The following KIDINS220 variants were observed in gnomAD, a reference collection of about 807,000 sequenced individuals.
KIDINS220 encodes the protein kinase D interacting substrate 220.
Under a neutral mutation model 157.6 loss-of-function variants are expected in KIDINS220, and 63 were observed. That is an observed-to-expected ratio of 0.40 (90% CI 0.33 to 0.49). The LOEUF is 0.49. Ranked by LOEUF, KIDINS220 falls within the 20% of genes least tolerant of loss-of-function variation. KIDINS220 has a pLI of 0.66. For missense variants in KIDINS220, 1,772 were observed against 2,171.2 expected, an observed-to-expected ratio of 0.82 and a Z score of 3.65; for synonymous variants, 732 against 783.6, an observed-to-expected ratio of 0.93 and a Z score of 1.10.
chr2:8,791,785 GTTCAGCAATTCTCCCAAATTA>G (rs1488606800), intron 12 of KIDINS220, among the ~76,000 whole-genome samples: 3 of 152,170 alleles, frequency 2.0e-5, no homozygotes, highest in Non-Finnish European at 4.4e-5. Context: ...AGGAAGAAAG[GTTCAGCAATTCTCCCAAATTA>G]TTCTATCACT....
chr2:8,767,805 T>C (rs1365093314), intron 22 of KIDINS220, among the ~76,000 whole-genome samples: 2 of 152,204 alleles, frequency 1.3e-5, no homozygotes, highest in Admixed American at 6.5e-5. Flanking sequence ...AGAAATAACA[T>C]TACTTGAATA....
chr2:8,739,063 T>G (rs1030837600), intron 26 of KIDINS220, among the ~76,000 whole-genome samples: 1 of 152,190 alleles, frequency 6.6e-6, no homozygotes, highest in Non-Finnish European at 1.5e-5. Context: ...TGTAAAATAC[T>G]GAGGAGAATT....
At position 8,778,666 on chromosome 2, in the gene KIDINS220, A is replaced by G. The variant is rs773482041; in HGVS notation, c.2676T>C (p.Leu892=). Residue 892 remains leucine (L), a synonymous_variant, in exon 20 of 30, where the codon CTT becomes CTC. Coordinates refer to ENST00000256707, the MANE Select transcript of KIDINS220 (RefSeq NM_020738.4). ...GTCTATTGAGGGCTGTCTTGCTACC[A>G]AGTTTTGTCATCTCCCCAAGGCTGT... ...SQNSLGEMTK[L]GSKTALNRRD... 2 of 1,614,010 alleles carry G rather than the reference A, an allele frequency of 1.2e-6. No individual in the cohort carries two copies. The highest frequency in any genetic ancestry group is 1.1e-5 in the South Asian group (1 of 91,080).
At chr2:8,789,283 ATT>A (rs70946384) in intron 14 of KIDINS220, among the ~76,000 whole-genome samples, 116 of 109,058 alleles carry the variant, frequency 1.1e-3, no homozygotes, top group Middle Eastern at 9.7e-3. Flanking sequence ...CAGAAAAAGA[ATT>A]TTTTTTTTTT....
chr2:8,832,724 C>T (rs777153073), intron 1 of KIDINS220, among the ~76,000 whole-genome samples: 19 of 152,176 alleles, frequency 1.2e-4, no homozygotes, highest in Admixed American at 6.5e-4. Flanking sequence ...AAAACTACAG[C>T]TTCTCATCTT....
chr2:8,768,840 A>G (rs1210718560), intron 22 of KIDINS220, among the ~76,000 whole-genome samples: 1 of 152,166 alleles, frequency 6.6e-6, no homozygotes, highest in East Asian at 1.9e-4. Flanking sequence ...GTGTCTTCCT[A>G]TAGTTTTTCA....
rs1666785268 is a variant in KIDINS220 at position 8,747,759 on chromosome 2, G to T, written c.3528+128C>A. The T allele has an allele frequency of 1.5e-5, 7 of 468,170 alleles. No homozygotes were observed. The East Asian group carries it at 1.8e-4, about 12-fold the overall frequency. 29.0% of individuals were successfully genotyped at this position (468,170 alleles called of 1,614,324 possible). On this transcript the variant is annotated intron_variant, in intron 25 of 29. Transcript: ENST00000256707. Reference sequence around the variant, plus strand: ...ATAAATACATTTTATGTTAGTAATAGGTTGTTTCTTAAAACTATGTATAAA... The same window carrying T: ...ATAAATACATTTTATGTTAGTAATATGTTGTTTCTTAAAACTATGTATAAA...
chr2:8,825,034 G>A (rs1267066562), intron 2 of KIDINS220, among the ~76,000 whole-genome samples: 1 of 152,130 alleles, frequency 6.6e-6, no homozygotes, highest in Non-Finnish European at 1.5e-5. Context: ...GGGGGAAAGG[G>A]AGAGCTGCTG....
At chr2:8,801,533 G>T (rs1018636165) in intron 8 of KIDINS220, among the ~76,000 whole-genome samples, 6 of 152,170 alleles carry the variant, frequency 3.9e-5, no homozygotes, top group Non-Finnish European at 7.3e-5. Flanking sequence ...TTTACAGCCT[G>T]GCAGAGAAGA....
At chr2:8,775,131 G>C (rs1298911000) in intron 21 of KIDINS220, among the ~76,000 whole-genome samples, 2 of 152,160 alleles carry the variant, frequency 1.3e-5, no homozygotes, top group Non-Finnish European at 2.9e-5. Flanking sequence ...AAAAGAGTTG[G>C]ATTAATAGAT....
At chr2:8,775,054 G>A (rs1186397309) in intron 21 of KIDINS220, among the ~76,000 whole-genome samples, 30 of 152,170 alleles carry the variant, frequency 2.0e-4, no homozygotes, top group Admixed American at 2.0e-3. Context: ...CAGTGCTACA[G>A]AATTTACTAG....
At chr2:8,737,152 A>G in intron 26 of KIDINS220, 153 bp from the exon 27 acceptor site, 1 of 740,660 alleles carries the variant, frequency 1.4e-6, no homozygotes, top group Non-Finnish European at 2.1e-6. Context: ...ACCATTAGGG[A>G]ACAGATTTAG....
intron 27 of KIDINS220, 137 bp downstream of exon 27, chr2:8,736,731 T>C (rs947190726): frequency 7.7e-6 from 7 of 903,996 alleles, no homozygotes; most frequent in Middle Eastern, 3.6e-4. Flanking sequence ...GTAAGAATTA[T>C]GTTTTCCATT....
intron 1 of KIDINS220, among the ~76,000 whole-genome samples, chr2:8,827,557 C>T (rs988404248): frequency 3.7e-4 from 57 of 152,322 alleles, no homozygotes; most frequent in African/African-American, 1.2e-3. Flanking sequence ...ATACATTTCA[C>T]ATCTGACTAC....
In KIDINS220 at chr2:8,802,927, T is replaced by C. The variant is rs551982767; in HGVS notation, c.801+3A>G. On this transcript the variant is annotated splice_donor_region_variant and intron_variant, in intron 8 of 29. Coordinates refer to ENST00000256707, the MANE Select transcript of KIDINS220 (RefSeq NM_020738.4). ...GGAGACAAATGTGAAATAGATGACC[T>C]ACCCTGTCAGGTATGTTCACATATG... 18 of 1,612,962 alleles carry C rather than the reference T, an allele frequency of 1.1e-5. No individual in the cohort carries two copies. The highest frequency in any genetic ancestry group is 1.4e-5 in the Non-Finnish European group (17 of 1,179,486).
Position 8,817,691 on chromosome 2 carries a change from G to T in KIDINS220, c.233C>A (p.Ala78Glu). 2 of 1,606,660 alleles carry T rather than the reference G, an allele frequency of 1.2e-6. No homozygotes were observed. The highest frequency in any genetic ancestry group is 1.7e-6 in the Non-Finnish European group (2 of 1,175,960). ...GATGTGCACATGCCCTTCTTTCGAT[G>T]CAGATATAAGTGCTGTCCAATTATC... ...DLDNWTALIS[A>E]SKEGHVHIVE... The change falls in exon 4 of 30, where the codon GCA becomes GAA. Residue 78 changes from alanine (A) to glutamate (E), a missense_variant. Physicochemically the swap from Ala to Glu is moderately radical, Grantham distance 107. Coordinates refer to ENST00000256707, the MANE Select transcript of KIDINS220 (RefSeq NM_020738.4).
Position 8,731,534 on chromosome 2 carries a change from C to G in KIDINS220, c.4502G>C (p.Ser1501Thr), listed in dbSNP as rs772961189. ...AAGCTTCAAATCTGTCTGGAAGAGGCTTGACCTTTCGGAAGATTTCTTGCC... is the reference window on the plus strand; with the variant it reads ...AAGCTTCAAATCTGTCTGGAAGAGGGTTGACCTTTCGGAAGATTTCTTGCC... ...LPGKKSSERS[S>T]LFQTDLKLKG... Residue 1501 changes from serine (S) to threonine (T), a missense_variant, in exon 30 of 30, where the codon AGC (serine) becomes ACC (threonine). By Grantham distance (58) the Ser-to-Thr change is moderately conservative. This residue lies in a region of KIDINS220 where 793 missense variants were observed against 885.5 expected (regional missense o/e 0.90). Transcript: ENST00000256707. This position sits in a 1 kb window ranked among gnomAD's most constrained non-coding sequence, Gnocchi z 5.2. The G allele has an allele frequency of 2.5e-6, 4 of 1,614,224 alleles. No homozygotes were observed. The highest frequency in any genetic ancestry group is 3.4e-6 in the Non-Finnish European group (4 of 1,180,048).
downstream of KIDINS220, chr2:8,723,964 T>C (rs1243129958): frequency 3.3e-5 from 5 of 152,380 alleles, no homozygotes; most frequent in Admixed American, 3.3e-4. Flanking sequence ...TTTTTCCTTT[T>C]TGAGACATGT....
At chr2:8,785,610 A>G in intron 17 of KIDINS220, 131 bp downstream of exon 17, 8 of 821,734 alleles carry the variant, frequency 9.7e-6, no homozygotes, top group Non-Finnish European at 1.5e-5. Context: ...CGAATGAATG[A>G]ATGAACAAAT....
Sources: gnomAD v4.1 joint callset for allele counts (sites outside exome capture counted in the v4.1 genomes callset) on GRCh38, gnomAD v4.1.1 for gene constraint, gnomAD v4.1.1 regional missense constraint, Gnocchi (gnomAD v3.1) non-coding constraint, MANE v1.5 for transcripts, NCBI Gene and HGNC (gene_info 2026-07-23, HGNC 2026-07-21) for gene names.